Variants in MAGI1 observed in about 807,000 individuals in gnomAD.
MAGI1 encodes membrane associated guanylate kinase, WW and PDZ domain containing 1, also known as membrane-associated guanylate kinase, WW and PDZ domain-containing protein 1.
In MAGI1, 58 loss-of-function variants were observed where a neutral mutation model predicts 139.9. That is an observed-to-expected ratio of 0.41 (90% CI 0.34 to 0.52). The LOEUF (loss-of-function observed/expected upper bound fraction) is 0.52. Ranked by LOEUF, MAGI1 falls within the 20% of genes least tolerant of loss-of-function variation. The pLI is 0.12. For synonymous variants in MAGI1, 812 were observed against 737.9 expected, an observed-to-expected ratio of 1.10 and a Z score of -1.63; for missense variants, 1,874 against 1,901.6, an observed-to-expected ratio of 0.99 and a Z score of 0.27.
intron 2 of MAGI1, among the ~76,000 whole-genome samples, chr3:65,584,701 T>C (rs2106677732): frequency 6.6e-6 from 1 of 152,258 alleles, no homozygotes; most frequent in African/African-American, 2.4e-5. Context: ...AGCACTAAAA[T>C]AAATGGAAAA....
rs1208422140 is a variant in MAGI1, at chr3:65,353,600, T to TA, written c.*2777dup. The TA allele has an allele frequency of 6.6e-6, 1 of 152,116 alleles. No individual in the cohort carries two copies. The highest frequency in any genetic ancestry group is 2.1e-4 in the South Asian group (1 of 4,826). The allele number at this position is 152,116 out of a possible 1,614,324, so 9.4% of individuals were successfully genotyped here. ...TAAAAAATCTTTCACAAAAGAAACTTAAAAAATACAATTAGGGTGTTGAGT... is the reference window on the plus strand; with the variant it reads ...TAAAAAATCTTTCACAAAAGAAACTTAAAAAAATACAATTAGGGTGTTGAGT... On this transcript the variant is annotated 3_prime_UTR_variant, in exon 23 of 23. Transcript: ENST00000402939.
intron 2 of MAGI1, among the ~76,000 whole-genome samples, chr3:65,572,733 A>T (rs572759852): frequency 1.3e-5 from 2 of 152,022 alleles, no homozygotes; most frequent in Non-Finnish European, 2.9e-5. Flanking sequence ...ATATTGTCCC[A>T]TAAGTATTAT....
intron 1 of MAGI1, among the ~76,000 whole-genome samples, chr3:65,939,144 C>G (rs1470802052): frequency 6.6e-6 from 1 of 152,162 alleles, no homozygotes; most frequent in Non-Finnish European, 1.5e-5. Context: ...AAATGGGCTA[C>G]TAAGTCATCA....
intron 1 of MAGI1, among the ~76,000 whole-genome samples, chr3:65,976,245 T>C (rs750720158): frequency 2.6e-5 from 4 of 152,226 alleles, no homozygotes; most frequent in Admixed American, 6.5e-5. Flanking sequence ...CACCAATACC[T>C]TAAATGATGT....
intron 14 of MAGI1, among the ~76,000 whole-genome samples, chr3:65,384,083 G>C (rs1316660325): frequency 6.6e-6 from 1 of 152,190 alleles, no homozygotes; most frequent in Admixed American, 6.5e-5. Flanking sequence ...TCCTCTACTA[G>C]AGGATGAAAG....
chr3:65,552,263 T>TGG (rs1559663715), intron 2 of MAGI1, among the ~76,000 whole-genome samples: 1 of 91,170 alleles, frequency 1.1e-5, no homozygotes, highest in African/African-American at 3.1e-5. Flanking sequence ...TATAGGGGTG[T>TGG]GTGTGTGTGT....
chr3:65,519,532 C>T (rs2078059201), intron 2 of MAGI1, among the ~76,000 whole-genome samples: 1 of 152,046 alleles, frequency 6.6e-6, no homozygotes, highest in South Asian at 2.1e-4. Flanking sequence ...ATTACAGGCA[C>T]CTGCCACCAC....
chr3:65,587,106 C>T (rs1029224457), intron 2 of MAGI1, among the ~76,000 whole-genome samples: 4 of 152,070 alleles, frequency 2.6e-5, no homozygotes, highest in African/African-American at 9.7e-5. Flanking sequence ...TTGACATTCC[C>T]CAATAAGATA....
intron 1 of MAGI1, chr3:65,874,688 GGAAGCAGT>G (rs2108501328): frequency 6.6e-6 from 1 of 152,322 alleles, no homozygotes; most frequent in South Asian, 2.1e-4. Flanking sequence ...AGCTGCTTTA[GGAAGCAGT>G]CTGGCAGTTA....
chr3:65,627,862 A>G (rs957714067), intron 1 of MAGI1, among the ~76,000 whole-genome samples: 4 of 152,062 alleles, frequency 2.6e-5, no homozygotes, highest in African/African-American at 4.8e-5. Flanking sequence ...ATTTACAGCA[A>G]TGTAACTCTG....
At chr3:65,858,391 G>A (rs541753560) in intron 1 of MAGI1, among the ~76,000 whole-genome samples, 29 of 152,284 alleles carry the variant, frequency 1.9e-4, no homozygotes, top group African/African-American at 6.5e-4. Context: ...GCCAGTTGTG[G>A]AGACAACACA....
intron 1 of MAGI1, among the ~76,000 whole-genome samples, chr3:65,825,267 C>T (rs553018156): frequency 4.3e-4 from 65 of 152,340 alleles, no homozygotes; most frequent in Admixed American, 8.5e-4. Flanking sequence ...GGACTCTTCT[C>T]ATCTTTAGAA....
chr3:65,678,254 GGC>G (rs1401418317), intron 1 of MAGI1, among the ~76,000 whole-genome samples: 1 of 151,794 alleles, frequency 6.6e-6, no homozygotes, highest in Non-Finnish European at 1.5e-5. Context: ...AAACCACCAT[GGC>G]ATATGTATAC....
chr3:65,949,731 T>C (rs1177693272), intron 1 of MAGI1, among the ~76,000 whole-genome samples: 2 of 152,204 alleles, frequency 1.3e-5, no homozygotes, highest in Non-Finnish European at 2.9e-5. Context: ...TTTTTAAACT[T>C]TCCTATCTAG....
intron 17 of MAGI1, among the ~76,000 whole-genome samples, chr3:65,376,670 A>C (rs1457437976): frequency 1.3e-5 from 2 of 152,216 alleles, no homozygotes; most frequent in African/African-American, 4.8e-5. Context: ...CTGGTTCATT[A>C]GCTCTGAAAT....
At chr3:65,587,479 CTTTTTT>C (rs755825684) in intron 2 of MAGI1, among the ~76,000 whole-genome samples, 1 of 109,520 alleles carries the variant, frequency 9.1e-6, no homozygotes, top group Non-Finnish European at 1.8e-5. Flanking sequence ...TTACTTTTTT[CTTTTTT>C]TTTTTTTTTT....
At chr3:65,578,634 T>C (rs2081279102) in intron 2 of MAGI1, among the ~76,000 whole-genome samples, 1 of 152,142 alleles carries the variant, frequency 6.6e-6, no homozygotes, top group Non-Finnish European at 1.5e-5. Context: ...AGAACAGATA[T>C]TCAGGCCGGA....
intron 2 of MAGI1, among the ~76,000 whole-genome samples, chr3:65,577,450 T>G (rs756836347): frequency 6.6e-6 from 1 of 152,152 alleles, no homozygotes; most frequent in African/African-American, 2.4e-5. Context: ...TAATTTTGAT[T>G]AAAAAATATT....
intron 1 of MAGI1, among the ~76,000 whole-genome samples, chr3:66,030,424 G>A (rs2068526838): frequency 6.6e-6 from 1 of 152,156 alleles, no homozygotes; most frequent in Admixed American, 6.5e-5. Flanking sequence ...TGCTACTGGG[G>A]ATACTGTGGG....
Sources: gnomAD v4.1 joint callset for allele counts (sites outside exome capture counted in the v4.1 genomes callset) on GRCh38, gnomAD v4.1.1 for gene constraint, MANE v1.5 for transcripts, NCBI Gene and HGNC (gene_info 2026-07-23, HGNC 2026-07-21) for gene names.